PHC2: variants seen among roughly 807,000 people sequenced by gnomAD.
The protein encoded by PHC2 is polyhomeotic homolog 2, also known as polyhomeotic-like protein 2.
Under a neutral mutation model 87.4 loss-of-function variants are expected in PHC2, and 29 were observed. That is an observed-to-expected ratio of 0.33 (90% CI 0.25 to 0.45). PHC2 has a LOEUF of 0.45. PHC2 is among the 20% of genes least tolerant of loss of function. The pLI, the probability that PHC2 is intolerant of heterozygous loss-of-function variation, is 1.00. For missense variants in PHC2, 857 were observed against 1,136.7 expected, an observed-to-expected ratio of 0.75 and a Z score of 3.54; for synonymous variants, 438 against 461.7, an observed-to-expected ratio of 0.95 and a Z score of 0.66.
At chr1:33,378,517 A>G (rs1356827149) in intron 1 of PHC2, among the ~76,000 whole-genome samples, 4 of 152,358 alleles carry the variant, frequency 2.6e-5, no homozygotes, top group African/African-American at 7.2e-5. Context: ...TGAAGTACTT[A>G]TAAATATAAA....
At chr1:33,390,943 T>A (rs1486789436) in intron 1 of PHC2, among the ~76,000 whole-genome samples, 4 of 152,126 alleles carry the variant, frequency 2.6e-5, no homozygotes, top group African/African-American at 9.7e-5. Flanking sequence ...TTCATTTGGG[T>A]GGATCTTTAA....
chr1:33,342,938 A>G (rs1166284054), intron 9 of PHC2, among the ~76,000 whole-genome samples: 1 of 152,246 alleles, frequency 6.6e-6, no homozygotes, highest in African/African-American at 2.4e-5. Context: ...TAGAAAGAGC[A>G]TGGGCTCTGG....
At chr1:33,416,584 G>GAAAAAAAAAAAAAAAAAAAAAAAAAA (rs61591207) in intron 1 of PHC2, among the ~76,000 whole-genome samples, 1 of 115,842 alleles carries the variant, frequency 8.6e-6, no homozygotes, top group African/African-American at 3.2e-5. Context: ...TCAAAAAAAA[G>GAAAAAAAAAAAAAAAAAAAAAAAAAA]AAAAAAAAAA....
chr1:33,425,104 T>C (rs533916287), intron 1 of PHC2, among the ~76,000 whole-genome samples: 9 of 152,324 alleles, frequency 5.9e-5, no homozygotes, highest in Admixed American at 2.6e-4. Context: ...AGTGAACAAA[T>C]GTTGATTTTA....
chr1:33,358,646 A>G lies in PHC2; in HGVS notation c.977-3393T>C, dbSNP rs139344571. Among the ~76,000 whole-genome samples, 1,214 of 152,168 alleles carry G rather than the reference A, an allele frequency of 8.0e-3. 50 individuals are homozygous for G. Among genetic ancestry groups the G allele is most frequent in the Admixed American group, 0.059 (908 of 15,268 alleles). ...GCACAGATCTGATCTCTCACTAAAA[A>G]CCGCCAGGGACTCTCCTTTGTCTAC... On this transcript the variant is annotated intron_variant, in intron 7 of 14. Transcript: ENST00000683057.
chr1:33,372,313 G>C lies in PHC2; in HGVS notation c.309C>G (p.Leu103=). Reference sequence around the variant, plus strand: ...CCTGCTGTACGGCTGCCAGGCTCTGGAGCTGGGCGCTGCTGAGGTGCTGCT... The same window carrying C: ...CCTGCTGTACGGCTGCCAGGCTCTGCAGCTGGGCGCTGCTGAGGTGCTGCT... ...LQQQHLSSAQ[L]QSLAAVQQAS... The change falls in exon 3 of 15, where the codon CTC becomes CTG. Residue 103 remains leucine, a synonymous_variant. Transcript: ENST00000683057. 1 of 1,588,672 alleles carries C rather than the reference G, an allele frequency of 6.3e-7. No individual in the cohort carries two copies. The highest frequency in any genetic ancestry group is 1.7e-5 in the Admixed American group (1 of 58,016).
chr1:33,370,867 G>T (rs572590550), intron 4 of PHC2, 150 bp downstream of exon 4: 3 of 739,548 alleles, frequency 4.1e-6, no homozygotes, highest in African/African-American at 3.5e-5. Flanking sequence ...GTCAGTAAGA[G>T]ACATGCCCTT....
At chr1:33,404,277 C>G (rs1649663580) in intron 1 of PHC2, among the ~76,000 whole-genome samples, 1 of 152,046 alleles carries the variant, frequency 6.6e-6, no homozygotes, top group African/African-American at 2.4e-5. Context: ...AATAAAATAA[C>G]TCACTTTCTT....
At chr1:33,326,954 C>T (rs1227086473) in intron 14 of PHC2, among the ~76,000 whole-genome samples, 1 of 151,682 alleles carries the variant, frequency 6.6e-6, no homozygotes. Flanking sequence ...ATCTCAAAAA[C>T]AAAAAACAAA....
chr1:33,358,858 C>G (rs1176884483), intron 7 of PHC2: 2 of 152,250 alleles, frequency 1.3e-5, no homozygotes, highest in Non-Finnish European at 2.9e-5. Context: ...CTGGTCTTTA[C>G]AGCTGACAGG....
intron 14 of PHC2, among the ~76,000 whole-genome samples, chr1:33,328,337 TTGTC>T (rs761179588): frequency 6.6e-6 from 1 of 152,144 alleles, no homozygotes; most frequent in Non-Finnish European, 1.5e-5. Context: ...AAAGGCATAC[TTGTC>T]TGTCTACTGT....
intron 1 of PHC2, among the ~76,000 whole-genome samples, chr1:33,392,462 C>G (rs987005810): frequency 2.6e-5 from 4 of 152,168 alleles, no homozygotes; most frequent in African/African-American, 7.2e-5. Context: ...TATACATTCT[C>G]CAGACACACT....
chr1:33,359,761 A>C (rs560694910), intron 7 of PHC2, among the ~76,000 whole-genome samples: 1 of 152,352 alleles, frequency 6.6e-6, no homozygotes, highest in South Asian at 2.1e-4. Context: ...GTAAGTGTTT[A>C]ACATGATTCA....
At chr1:33,401,275 G>A (rs1435463667) in intron 1 of PHC2, among the ~76,000 whole-genome samples, 1 of 151,954 alleles carries the variant, frequency 6.6e-6, no homozygotes, top group Non-Finnish European at 1.5e-5. Flanking sequence ...GCAGTGAGCC[G>A]AGATTGCACC....
chr1:33,338,300 G>A (rs1221088472), intron 9 of PHC2, among the ~76,000 whole-genome samples: 1 of 152,190 alleles, frequency 6.6e-6, no homozygotes, highest in South Asian at 2.1e-4. Context: ...TTTTAAAAAA[G>A]ATCTTGTTAA....
intron 1 of PHC2, among the ~76,000 whole-genome samples, chr1:33,413,601 A>C (rs559533945): frequency 6.6e-6 from 1 of 152,242 alleles, no homozygotes; most frequent in African/African-American, 2.4e-5. Flanking sequence ...TGAAGATTGT[A>C]AGTTTAAAAG....
chr1:33,415,838 T>C (rs908899895), intron 1 of PHC2, among the ~76,000 whole-genome samples: 1 of 152,282 alleles, frequency 6.6e-6, no homozygotes, highest in East Asian at 1.9e-4. Flanking sequence ...ATTAAACTTT[T>C]AGAGACTAAG....
rs753514798 is a variant in PHC2, at chr1:33,332,537, A to C, written c.1762-133T>G. ...CCCTCCTCAAACCTTCCCCCATGTC[A>C]TCATCCAAGTGTGCTGGGCTCAAGG... is the stretch of plus-strand genomic sequence containing the variant. On this transcript the variant is annotated intron_variant, in intron 10 of 14. Coordinates refer to ENST00000683057, the MANE Select transcript of PHC2 (RefSeq NM_001385109.1). The surrounding 1 kb of genome is among the most constrained non-coding windows in gnomAD (Gnocchi z 4.2). 36 of 1,081,404 alleles carry C rather than the reference A, an allele frequency of 3.3e-5. No homozygotes were observed. Among genetic ancestry groups the C allele is most frequent in the Non-Finnish European group, 4.8e-5 (35 of 730,582 alleles). 67.0% of individuals were successfully genotyped at this position (1,081,404 alleles called of 1,614,324 possible).
At position 33,367,455 on chromosome 1, in the gene PHC2, C is replaced by G. The variant is rs370696951; in HGVS notation, c.664-27G>C. 2.0e-6 allele frequency: 3 copies of G among 1,515,634 alleles called. No homozygotes were observed. The African/African-American group carries it at 4.2e-5, about 21-fold the overall frequency. The allele number at this position is 1,515,634 out of a possible 1,614,324, so 93.9% of individuals were successfully genotyped here. On this transcript the variant is annotated intron_variant, in intron 6 of 14. Transcript: ENST00000683057. ...TGGAAAAGAGGGGTCTGTGGGAGTCCAGAGAATGTGGCAGGAGCAATGCCA... is the reference window on the plus strand; with the variant it reads ...TGGAAAAGAGGGGTCTGTGGGAGTCGAGAGAATGTGGCAGGAGCAATGCCA...
Sources: allele counts gnomAD v4.1 joint callset (sites outside exome capture counted in the v4.1 genomes callset), GRCh38; gene constraint gnomAD v4.1.1; non-coding constraint Gnocchi (gnomAD v3.1); transcripts MANE v1.5; gene names NCBI Gene and HGNC (gene_info 2026-07-23, HGNC 2026-07-21).